The following OPRM1 variants were observed in gnomAD, a reference collection of about 807,000 sequenced individuals.
OPRM1 encodes the protein mu-type opioid receptor.
Under a neutral mutation model 31.8 loss-of-function variants are expected in OPRM1, and 27 were observed. That is an observed-to-expected ratio of 0.85 (90% confidence interval 0.63 to 1.17). The LOEUF (loss-of-function observed/expected upper bound fraction) is 1.17, where lower values mean the gene tolerates loss of function less well. Ranked by LOEUF, OPRM1 falls within the 50% of genes most tolerant of loss-of-function variation. The probability of loss-of-function intolerance (pLI) is 0.00; values close to 1 mark genes in which losing one functional copy is unlikely to be tolerated. For synonymous variants in OPRM1, 196 were observed against 189.9 expected, an observed-to-expected ratio of 1.03 and a Z score of -0.26; for missense variants, 536 against 511.1, an observed-to-expected ratio of 1.05 and a Z score of -0.47.
intron 3 of OPRM1, among the ~76,000 whole-genome samples, chr6:154,181,469 C>A (rs752402478): frequency 4.6e-5 from 7 of 152,164 alleles, no homozygotes; most frequent in African/African-American, 1.2e-4. Flanking sequence ...TTCTTAAATA[C>A]TATGCTTTAA....
At chr6:154,161,493 G>A (rs1416560046) in intron 3 of OPRM1, among the ~76,000 whole-genome samples, 6 of 152,074 alleles carry the variant, frequency 3.9e-5, no homozygotes, top group African/African-American at 1.2e-4. Flanking sequence ...GATTACAGGC[G>A]TGAGCCACTG....
chr6:154,233,771 T>C, intron 3 of OPRM1, among the ~76,000 whole-genome samples: 1 of 152,150 alleles, frequency 6.6e-6, no homozygotes, highest in East Asian at 1.9e-4. Flanking sequence ...CTGGCAAGAC[T>C]TCCTGCCACC....
At chr6:154,214,144 C>T (rs1778192651) in intron 3 of OPRM1, 3 of 956,890 alleles carry the variant, frequency 3.1e-6, no homozygotes, top group South Asian at 2.6e-5. Context: ...TAGAACTTGA[C>T]ATTGTTTTTT....
At chr6:154,112,098 T>C (rs955071207) in intron 3 of OPRM1, among the ~76,000 whole-genome samples, 1 of 152,134 alleles carries the variant, frequency 6.6e-6, no homozygotes, top group African/African-American at 2.4e-5. Flanking sequence ...TTGACAAAAA[T>C]AGAAAACCGA....
At chr6:154,027,652 T>C (rs1490928650) in intron 1 of OPRM1, among the ~76,000 whole-genome samples, 3 of 152,224 alleles carry the variant, frequency 2.0e-5, no homozygotes, top group African/African-American at 7.2e-5. Context: ...CTCTATCTGG[T>C]ATTCTATTGT....
intron 3 of OPRM1, among the ~76,000 whole-genome samples, chr6:154,143,865 C>T (rs1025223048): frequency 6.6e-6 from 1 of 151,962 alleles, no homozygotes. Flanking sequence ...TAGAGAAAAT[C>T]ACTAAAATAA....
intron 3 of OPRM1, among the ~76,000 whole-genome samples, chr6:154,152,319 GAAA>G (rs1204289010): frequency 0.043 from 1,740 of 40,564 alleles, 47 homozygotes; most frequent in African/African-American, 0.094. Flanking sequence ...AAGAAAGAAA[GAAA>G]GAAAGAAAGA....
chr6:154,198,637 C>CAT (rs1469210113), intron 3 of OPRM1, among the ~76,000 whole-genome samples: 91 of 149,506 alleles, frequency 6.1e-4, no homozygotes, highest in Middle Eastern at 3.5e-3. Context: ...TACATACACA[C>CAT]ACACACACAC....
At chr6:154,098,578 G>A (rs980812722) in intron 3 of OPRM1, among the ~76,000 whole-genome samples, 6 of 152,114 alleles carry the variant, frequency 3.9e-5, no homozygotes, top group Non-Finnish European at 8.8e-5. Flanking sequence ...ATTTTGAAAT[G>A]CAGTTTCACA....
At chr6:154,169,913 T>C (rs529824831) in intron 3 of OPRM1, among the ~76,000 whole-genome samples, 1 of 152,340 alleles carries the variant, frequency 6.6e-6, no homozygotes, top group South Asian at 2.1e-4. Flanking sequence ...CTGAATGTTG[T>C]GATAGTGTGA....
chr6:154,244,992 A>G (rs544105074), intron 3 of OPRM1, among the ~76,000 whole-genome samples: 1 of 152,270 alleles, frequency 6.6e-6, no homozygotes, highest in South Asian at 2.1e-4. Flanking sequence ...ACCCCAAAAC[A>G]AAGGCCTGAA....
chr6:154,135,023 T>C (rs975970976), downstream of OPRM1, among the ~76,000 whole-genome samples: 2 of 152,258 alleles, frequency 1.3e-5, no homozygotes, highest in African/African-American at 4.8e-5. Context: ...AGCCAAGACG[T>C]GGACAATTTC....
intron 1 of OPRM1, among the ~76,000 whole-genome samples, chr6:154,082,186 A>G (rs1176330623): frequency 6.6e-6 from 1 of 152,248 alleles, no homozygotes; most frequent in Non-Finnish European, 1.5e-5. Flanking sequence ...TCTTACACAC[A>G]GAAAATAAAA....
At chr6:154,042,033 G>A (rs1369231709) in intron 1 of OPRM1, among the ~76,000 whole-genome samples, 1 of 152,022 alleles carries the variant, frequency 6.6e-6, no homozygotes, top group Non-Finnish European at 1.5e-5. Context: ...GGAGAAACAT[G>A]GTGACGGTGC....
chr6:154,206,115 A>G (rs1294001478), intron 3 of OPRM1, among the ~76,000 whole-genome samples: 6 of 152,176 alleles, frequency 3.9e-5, no homozygotes, highest in African/African-American at 1.4e-4. Flanking sequence ...ACACAAAAAT[A>G]TTTATCAGCT....
chr6:154,117,346 A>C (rs1796984158), intron 3 of OPRM1, among the ~76,000 whole-genome samples: 1 of 152,242 alleles, frequency 6.6e-6, no homozygotes, highest in African/African-American at 2.4e-5. Flanking sequence ...GAGATGACTA[A>C]GCAAGCAAGT....
intron 3 of OPRM1, among the ~76,000 whole-genome samples, chr6:154,214,025 A>C (rs1326723652): frequency 1.3e-5 from 2 of 152,190 alleles, no homozygotes; most frequent in African/African-American, 4.8e-5. Flanking sequence ...CATAGCCAGC[A>C]TGGGAAGCTC....
chr6:154,229,464 C>T (rs1249741262), intron 3 of OPRM1, among the ~76,000 whole-genome samples: 2 of 151,432 alleles, frequency 1.3e-5, no homozygotes, highest in Non-Finnish European at 2.9e-5. Context: ...ATTCTCCCGC[C>T]TCAGCCTCCC....
At chr6:154,207,985 G>A (rs1237349852) in intron 3 of OPRM1, among the ~76,000 whole-genome samples, 2 of 151,978 alleles carry the variant, frequency 1.3e-5, no homozygotes, top group Non-Finnish European at 1.5e-5. Flanking sequence ...CGATGGAATC[G>A]CTGCCATCTT....
Sources: allele counts gnomAD v4.1 joint callset (sites outside exome capture counted in the v4.1 genomes callset), GRCh38; gene constraint gnomAD v4.1.1; transcripts MANE v1.5; gene names NCBI Gene and HGNC (gene_info 2026-07-23, HGNC 2026-07-21).